The following DGKH variants were observed in gnomAD, a reference collection of about 807,000 sequenced individuals.
DGKH encodes the protein DAG kinase eta.
A neutral mutation model predicts 159.3 loss-of-function variants in DGKH; 90 were observed. That is an observed-to-expected ratio of 0.57 (90% CI 0.48 to 0.67). DGKH has a LOEUF of 0.67. DGKH is among the 30% of genes least tolerant of loss of function. DGKH has a pLI of 0.00. For missense variants in DGKH, 1,181 were observed against 1,506.1 expected (o/e 0.78, Z 3.57); for synonymous variants, 536 against 553.8 (o/e 0.97, Z 0.45).
chr13:42,132,560 A>T (rs1284190708), intron 3 of DGKH, among the ~76,000 whole-genome samples: 1 of 152,188 alleles, frequency 6.6e-6, no homozygotes, highest in Non-Finnish European at 1.5e-5. Flanking sequence ...TCTCTCCTGT[A>T]ATGTCTTTCT....
chr13:42,213,854 C>T (rs1289695212), intron 24 of DGKH, among the ~76,000 whole-genome samples: 1 of 152,130 alleles, frequency 6.6e-6, no homozygotes, highest in Non-Finnish European at 1.5e-5. Flanking sequence ...TAGTGCCTTC[C>T]AGAATTTGGT....
rs1954972595 is a variant in DGKH at position 42,116,548 on chromosome 13, AG to A, written c.193-10914del. Among the ~76,000 whole-genome samples, 4 of 152,330 alleles carry A rather than the reference AG, an allele frequency of 2.6e-5. No individual in the cohort carries two copies. In the South Asian group the frequency reaches 8.3e-4, roughly 32 times the overall value. ...CACACCTGTTTAACACTCCTCTAAA[AG>A]CCAGCATCGCATATGAAAGTGTATA... On this transcript the variant is annotated intron_variant, in intron 1 of 29. Coordinates refer to ENST00000337343, the MANE Select transcript of DGKH (RefSeq NM_178009.5).
chr13:42,223,383 G>A (rs189940866), intron 29 of DGKH, among the ~76,000 whole-genome samples: 199 of 152,192 alleles, frequency 1.3e-3, no homozygotes, highest in Non-Finnish European at 2.5e-3. Flanking sequence ...AGCACCAACC[G>A]GCTACTTGGT....
In DGKH at chr13:42,107,966, T is replaced by G. The variant is rs116489403; in HGVS notation, c.193-19497T>G. Among the ~76,000 whole-genome samples, 787 of 152,318 alleles carry G rather than the reference T, an allele frequency of 5.2e-3. 5 individuals are homozygous for G. The highest frequency in any genetic ancestry group is 0.018 in the African/African-American group (754 of 41,566). On this transcript the variant is annotated intron_variant, in intron 1 of 29. Transcript: ENST00000337343. ...ATGGTACTTTCTGTCTACTTCCCTT[T>G]TATTAGTGCCAACCTTTAGAAAAGT...
chr13:42,071,133 G>T lies in DGKH; in HGVS notation c.192+22168G>T. 5.6e-6 allele frequency: 4 copies of T among 716,022 alleles called. No homozygotes were observed. In the South Asian group the frequency reaches 9.4e-5, roughly 17 times the overall value. 44.4% of individuals were successfully genotyped at this position (716,022 alleles called of 1,614,324 possible). A position where few individuals can be genotyped will look rare whatever the true frequency, so the allele number is the denominator to read the frequency against. On this transcript the variant is annotated intron_variant, in intron 1 of 29. Transcript: ENST00000337343. The stretch of plus-strand genomic sequence containing the variant: ...GATTGCCTTTTCCTTTGGAATTGTT[G>T]AACTTGTGTAAACAAGGAAGAAAAC...
intron 13 of DGKH, among the ~76,000 whole-genome samples, chr13:42,186,007 GGTGGTGTGTGTGT>G (rs1261753925): frequency 9.9e-5 from 9 of 91,260 alleles, no homozygotes; most frequent in Admixed American, 4.9e-4. Flanking sequence ...TGGTGGTGGT[GGTGGTGTGTGTGT>G]GTGTGTGTGT....
chr13:42,221,170 C>T (rs1403196364), intron 28 of DGKH, 94 bp from the exon 29 acceptor site: 2 of 1,506,438 alleles, frequency 1.3e-6, no homozygotes, highest in African/African-American at 1.4e-5. Context: ...AGCACTGCCG[C>T]TGCACTCTGT....
intron 16 of DGKH, 49 bp downstream of exon 16, chr13:42,190,574 T>A: frequency 6.5e-7 from 1 of 1,540,446 alleles, no homozygotes; most frequent in Non-Finnish European, 8.7e-7. Context: ...AAATGTCATT[T>A]TGCTTTTAGT....
chr13:42,067,709 A>AT (rs201519048), intron 1 of DGKH, among the ~76,000 whole-genome samples: 2,889 of 149,782 alleles, frequency 0.019, 95 homozygotes, highest in African/African-American at 0.063. Flanking sequence ...TAATTAATTA[A>AT]TTTTTTTTTT....
At chr13:42,154,767 G>A (rs1043916120) in intron 3 of DGKH, among the ~76,000 whole-genome samples, 5 of 151,794 alleles carry the variant, frequency 3.3e-5, no homozygotes, top group African/African-American at 7.3e-5. Context: ...GTGGCCGGGC[G>A]CAGTGGCTCA....
At chr13:42,159,106 A>G (rs950131235) in intron 5 of DGKH, among the ~76,000 whole-genome samples, 160 bp from the exon 6 acceptor site, 2 of 152,122 alleles carry the variant, frequency 1.3e-5, no homozygotes, top group Non-Finnish European at 2.9e-5. Context: ...CTAGAATACC[A>G]TTACTATTGT....
intron 29 of DGKH, among the ~76,000 whole-genome samples, chr13:42,224,345 T>C (rs1248649253): frequency 6.6e-6 from 1 of 152,214 alleles, no homozygotes; most frequent in African/African-American, 2.4e-5. Flanking sequence ...TTTGTCCATC[T>C]TCCCCTAACC....
chr13:42,224,530 CAG>C (rs1002664101), intron 29 of DGKH, among the ~76,000 whole-genome samples: 4 of 152,168 alleles, frequency 2.6e-5, no homozygotes, highest in Non-Finnish European at 5.9e-5. Flanking sequence ...ACGTTGCAAC[CAG>C]AGTGTTATTT....
At chr13:42,156,703 A>G (rs1956056840) in intron 5 of DGKH, among the ~76,000 whole-genome samples, 1 of 152,182 alleles carries the variant, frequency 6.6e-6, no homozygotes, top group Admixed American at 6.5e-5. Flanking sequence ...CTAATCCAAA[A>G]ATTTCGTAAT....
At chr13:42,121,588 A>C (rs147982225) in intron 1 of DGKH, among the ~76,000 whole-genome samples, 1 of 152,218 alleles carries the variant, frequency 6.6e-6, no homozygotes, top group Non-Finnish European at 1.5e-5. Context: ...GGTAAAACCT[A>C]TCCTCAGTTG....
At chr13:42,083,737 A>G (rs76577336) in intron 1 of DGKH, among the ~76,000 whole-genome samples, 1 of 152,338 alleles carries the variant, frequency 6.6e-6, no homozygotes, top group Non-Finnish European at 1.5e-5. Context: ...CCAAGCTACT[A>G]GGACAGACAA....
chr13:42,102,819 C>T (rs1051476658), intron 1 of DGKH, among the ~76,000 whole-genome samples: 1 of 152,140 alleles, frequency 6.6e-6, no homozygotes, highest in African/African-American at 2.4e-5. Context: ...GGAGTTCATT[C>T]AGGACAAGAA....
intron 1 of DGKH, among the ~76,000 whole-genome samples, chr13:42,109,874 T>C (rs1594039957): frequency 6.6e-6 from 1 of 152,228 alleles, no homozygotes; most frequent in East Asian, 1.9e-4. Flanking sequence ...GTTATCCTTT[T>C]TAGGGGTATC....
intron 29 of DGKH, chr13:42,225,323 A>AATGGTAAACAT (rs766904159): frequency 6.3e-7 from 1 of 1,584,154 alleles, no homozygotes; most frequent in Admixed American, 1.8e-5. Context: ...CACCAAAGAA[A>AATGGTAAACAT]ATGGTAAACA....
Sources: allele counts gnomAD v4.1 joint callset (sites outside exome capture counted in the v4.1 genomes callset), GRCh38; gene constraint gnomAD v4.1.1; transcripts MANE v1.5; gene names NCBI Gene and HGNC (gene_info 2026-07-23, HGNC 2026-07-21).